The following VEGFC variants were observed in gnomAD, a reference collection of about 807,000 sequenced individuals.
VEGFC encodes the protein vascular endothelial growth factor C, also known as FLT4 ligand DHM.
In VEGFC, 12 loss-of-function variants were observed where a neutral mutation model predicts 46.1. That is an observed-to-expected ratio of 0.26 (90% confidence interval 0.17 to 0.42). The LOEUF (loss-of-function observed/expected upper bound fraction) is 0.42. VEGFC is among the 10% of genes least tolerant of loss of function. The pLI, the probability that VEGFC is intolerant of heterozygous loss-of-function variation, is 1.00. For synonymous variants in VEGFC, 232 were observed against 195.5 expected (o/e 1.19, Z -1.56); for missense variants, 488 against 529.4 (o/e 0.92, Z 0.77).
At chr4:176,723,132 G>C (rs903531388) in intron 3 of VEGFC, among the ~76,000 whole-genome samples, 7 of 152,124 alleles carry the variant, frequency 4.6e-5, no homozygotes, top group African/African-American at 1.7e-4. Context: ...TTGACCAATA[G>C]TAAGAAAGAT....
At position 176,719,869 on chromosome 4, in the gene VEGFC, T is replaced by C. The variant is rs560910893; in HGVS notation, c.552+7909A>G. Among the ~76,000 whole-genome samples the C allele has an allele frequency of 3.9e-5, 6 of 152,240 alleles. No homozygotes were observed. The South Asian group carries it at 1.2e-3, about 32-fold the overall frequency. On this transcript the variant is annotated intron_variant, in intron 3 of 6. Coordinates refer to ENST00000618562, the MANE Select transcript of VEGFC (RefSeq NM_005429.5). Reference sequence around the variant, plus strand: ...TGAAGTCAGGAGTTCGAGACCAGCCTGGCCAACGTGGTGAAAACCTATCTC... The same window carrying C: ...TGAAGTCAGGAGTTCGAGACCAGCCCGGCCAACGTGGTGAAAACCTATCTC...
chr4:176,734,235 A>G (rs1203886447), intron 1 of VEGFC, among the ~76,000 whole-genome samples: 3 of 151,874 alleles, frequency 2.0e-5, no homozygotes, highest in African/African-American at 7.2e-5. Context: ...ACATAAACAT[A>G]CAATAAGTAT....
At chr4:176,752,435 C>T (rs547151870) in intron 1 of VEGFC, among the ~76,000 whole-genome samples, 3 of 152,172 alleles carry the variant, frequency 2.0e-5, no homozygotes, top group Non-Finnish European at 2.9e-5. Context: ...TGACTCCAAA[C>T]GTTCTAAGGT....
At chr4:176,713,747 G>T (rs1734655061) in intron 3 of VEGFC, among the ~76,000 whole-genome samples, 1 of 152,148 alleles carries the variant, frequency 6.6e-6, no homozygotes, top group African/African-American at 2.4e-5. Context: ...TCTATGAGGT[G>T]GGAAGAGGCA....
At chr4:176,716,335 G>A (rs1049419365) in intron 3 of VEGFC, among the ~76,000 whole-genome samples, 1 of 151,970 alleles carries the variant, frequency 6.6e-6, no homozygotes, top group Non-Finnish European at 1.5e-5. Context: ...CCAGCACTTT[G>A]GGAGGCTGAG....
At chr4:176,758,063 T>C (rs975891301) in intron 1 of VEGFC, among the ~76,000 whole-genome samples, 1 of 152,132 alleles carries the variant, frequency 6.6e-6, no homozygotes, top group Non-Finnish European at 1.5e-5. Context: ...ATTCATTCAA[T>C]AATATACATT....
intron 1 of VEGFC, among the ~76,000 whole-genome samples, chr4:176,784,074 T>G (rs1485593506): frequency 6.7e-6 from 1 of 150,000 alleles, no homozygotes; most frequent in Non-Finnish European, 1.5e-5. Context: ...TTTTTTTTTT[T>G]TTTTTTTTGA....
chr4:176,684,025 T>C lies in VEGFC; in HGVS notation c.1161A>G (p.Pro387=). 6.2e-7 allele frequency: 1 copy of C among 1,614,190 alleles called. No homozygotes were observed. Among genetic ancestry groups the C allele is most frequent in the Non-Finnish European group, 8.5e-7 (1 of 1,179,998 alleles). Residue 387 remains proline, a synonymous_variant, in exon 7 of 7, where the codon CCA becomes CCG. Transcript: ENST00000618562. ...HHQTCSCYRR[P]CTNRQKACEP... ...CACAAGCCTTCTGGCGGTTCGTACA[T>C]GGCCGTCTGTAACAGCTAGGAGAAC...
At chr4:176,703,879 A>G (rs1463025467) in intron 4 of VEGFC, among the ~76,000 whole-genome samples, 1 of 152,106 alleles carries the variant, frequency 6.6e-6, no homozygotes, top group African/African-American at 2.4e-5. Context: ...CATTGGGGAA[A>G]TTTACTTACC....
At chr4:176,727,682 A>T in intron 3 of VEGFC, 96 bp downstream of exon 3, 2 of 1,295,454 alleles carry the variant, frequency 1.5e-6, no homozygotes, top group Non-Finnish European at 2.1e-6. Flanking sequence ...GAACCAAGTT[A>T]GTTTAAAGCA....
intron 1 of VEGFC, among the ~76,000 whole-genome samples, chr4:176,757,568 T>C (rs1200150485): frequency 6.7e-6 from 1 of 149,566 alleles, no homozygotes; most frequent in Non-Finnish European, 1.5e-5. Flanking sequence ...TCTAAATATG[T>C]ATTACCAGGG....
intron 1 of VEGFC, among the ~76,000 whole-genome samples, chr4:176,768,491 C>CATATATATACATATATAT: frequency 9.9e-6 from 1 of 100,536 alleles, no homozygotes; most frequent in East Asian, 4.7e-4. Context: ...ATGTTTTATA[C>CATATATATACATATATAT]ATATATATAT....
rs1397043625 is a variant in VEGFC at position 176,792,390 on chromosome 4, G to A, written c.-79C>T. 8.5e-7 allele frequency: 1 copy of A among 1,169,986 alleles called. No homozygotes were observed. Among genetic ancestry groups the A allele is most frequent in the Non-Finnish European group, 1.1e-6 (1 of 881,144 alleles). The allele number at this position is 1,169,986 out of a possible 1,614,324, so 72.5% of individuals were successfully genotyped here. ...GCGCGGGCGCCCCTGCGAGGCCGCG[G>A]GCCCCTCCTGGTCCCTCTCCCCCGG... On this transcript the variant is annotated 5_prime_UTR_variant, in exon 1 of 7. Coordinates refer to ENST00000618562, the MANE Select transcript of VEGFC (RefSeq NM_005429.5). This position sits in a 1 kb window ranked among gnomAD's most constrained non-coding sequence, Gnocchi z 6.3.
chr4:176,766,543 C>A (rs1379504678), intron 1 of VEGFC, among the ~76,000 whole-genome samples: 1 of 145,454 alleles, frequency 6.9e-6, no homozygotes, highest in Non-Finnish European at 1.5e-5. Context: ...GCCATTATTG[C>A]ACTATTGCAC....
intron 1 of VEGFC, among the ~76,000 whole-genome samples, chr4:176,767,748 C>T (rs1735652022): frequency 6.6e-6 from 1 of 152,120 alleles, no homozygotes; most frequent in South Asian, 2.1e-4. Flanking sequence ...ATTCTAGGGC[C>T]TTACATATAA....
chr4:176,756,703 G>A (rs1425989484), intron 1 of VEGFC, among the ~76,000 whole-genome samples: 2 of 152,044 alleles, frequency 1.3e-5, no homozygotes, highest in African/African-American at 2.4e-5. Context: ...GCTAGGTTAA[G>A]ATGTAGAAAT....
intron 1 of VEGFC, among the ~76,000 whole-genome samples, chr4:176,751,776 G>A (rs1250346473): frequency 1.3e-5 from 2 of 151,844 alleles, no homozygotes; most frequent in Admixed American, 6.6e-5. Flanking sequence ...CAGAATATTG[G>A]TTAACTTGGT....
chr4:176,733,564 G>A (rs1735002527), intron 1 of VEGFC, among the ~76,000 whole-genome samples: 1 of 151,784 alleles, frequency 6.6e-6, no homozygotes, highest in African/African-American at 2.4e-5. Context: ...AAATCTACAG[G>A]GGGAGTAACA....
At chr4:176,695,013 C>A (rs1422431757) in intron 4 of VEGFC, among the ~76,000 whole-genome samples, 1 of 126,098 alleles carries the variant, frequency 7.9e-6, no homozygotes, top group Non-Finnish European at 1.6e-5. Context: ...ACTAAATGCC[C>A]ACAAGAGAAA....
Sources: allele counts gnomAD v4.1 joint callset (sites outside exome capture counted in the v4.1 genomes callset), GRCh38; gene constraint gnomAD v4.1.1; non-coding constraint Gnocchi (gnomAD v3.1); transcripts MANE v1.5; gene names NCBI Gene and HGNC (gene_info 2026-07-23, HGNC 2026-07-21).